Variants in TMPRSS5 observed in about 807,000 individuals in gnomAD.
TMPRSS5 encodes transmembrane protease serine 5.
Under a neutral mutation model 59.7 loss-of-function variants are expected in TMPRSS5, and 45 were observed. The ratio of observed to expected loss-of-function variants is 0.75; its 90% CI spans 0.59 to 0.97. TMPRSS5 has a LOEUF of 0.97. TMPRSS5 is among the 50% of genes least tolerant of loss of function. The pLI is 0.00. For missense variants in TMPRSS5, 585 were observed against 596.7 expected, an observed-to-expected ratio of 0.98 and a Z score of 0.20; for synonymous variants, 225 against 232.0, an observed-to-expected ratio of 0.97 and a Z score of 0.27.
At chr11:113,690,398 G>T (rs1389409760) in intron 10 of TMPRSS5, 25 bp from the exon 11 acceptor site, 23 of 1,595,890 alleles carry the variant, frequency 1.4e-5, no homozygotes, top group African/African-American at 4.1e-5. Context: ...GAGAAAAACT[G>T]CAGGGCACAA....
At chr11:113,699,396 C>T (rs769573036) in intron 3 of TMPRSS5, among the ~76,000 whole-genome samples, 199 bp downstream of exon 3, 19 of 152,058 alleles carry the variant, frequency 1.2e-4, no homozygotes, top group Non-Finnish European at 2.5e-4. Context: ...AAAAGTCTGA[C>T]TACGGCCTCC....
At chr11:113,704,560 C>T (rs144743126) in intron 1 of TMPRSS5, among the ~76,000 whole-genome samples, 157 of 152,260 alleles carry the variant, frequency 1.0e-3, no homozygotes, top group African/African-American at 3.6e-3. Flanking sequence ...TTGCTCCCTC[C>T]ACAGCAAAAT....
intron 4 of TMPRSS5, 81 bp from the exon 5 acceptor site, chr11:113,697,499 T>C (rs1591383117): frequency 6.5e-7 from 1 of 1,527,306 alleles, no homozygotes; most frequent in Non-Finnish European, 8.9e-7. Context: ...CAGGATTCTG[T>C]AGTACTTGAA....
rs780458804 is a variant in TMPRSS5, at chr11:113,690,364, G to A, written c.1073C>T (p.Ser358Leu). 4.9e-5 allele frequency: 78 copies of A among 1,605,358 alleles called. No individual in the cohort carries two copies. The highest frequency in any genetic ancestry group is 1.0e-4 in the Admixed American group (6 of 58,484). Residue 358 changes from serine (S) to leucine (L), a missense_variant, in exon 11 of 13, where the codon TCG becomes TTG. By Grantham distance (145) the Ser-to-Leu change is moderately radical. Coordinates refer to ENST00000299882, the MANE Select transcript of TMPRSS5 (RefSeq NM_030770.4). ...GHTHPSHTYS[S>L]DMLQDTVVPL... ...CACCACCGTGTCCTGGAGCATATCC[G>A]AGCTGTAAGCTATGAGAGACACCGA...
intron 8 of TMPRSS5, 156 bp downstream of exon 8, chr11:113,694,322 T>C: frequency 1.6e-6 from 1 of 628,904 alleles, no homozygotes; most frequent in Non-Finnish European, 2.8e-6. Flanking sequence ...GATCTGTTCT[T>C]GATACTGAAT....
At chr11:113,688,389 G>A in intron 12 of TMPRSS5, 115 bp from the exon 13 acceptor site, 1 of 726,948 alleles carries the variant, frequency 1.4e-6, no homozygotes, top group Non-Finnish European at 2.4e-6. Context: ...TCTATCAAAT[G>A]AGGCTAAAAA....
rs1032573934 is a variant in TMPRSS5 at position 113,690,276 on chromosome 11, G to C, written c.1161C>G (p.Arg387=). 1.9e-6 allele frequency: 3 copies of C among 1,566,772 alleles called. No homozygotes were observed. In the African/African-American group the frequency reaches 4.1e-5, roughly 21 times the overall value. The change falls in exon 11 of 13, where the codon CGC becomes CGG. Residue 387 remains arginine (R), a synonymous_variant. Transcript: ENST00000299882. The part of the protein sequence containing the change: ...SCVYSGALTP[R]MLCAGYLDGR... ...CGTCCAGGTAGCCAGCGCAAAGCAT[G>C]CGGGGGGTGAGGGCTCCGCTGTACA...
rs1399507565 is a variant in TMPRSS5, at chr11:113,694,591, C to A, written c.672G>T (p.Val224=). The A allele has an allele frequency of 6.4e-7, 1 of 1,555,132 alleles. No homozygotes were observed. The change falls in exon 8 of 13, where the codon GTG becomes GTT. Residue 224 remains valine, a synonymous_variant. Transcript: ENST00000299882. ...CCTGCCACGGCCAGCGCCCAGGAGC[C>A]ACAGACTGCCCACCAACTATCCGGG... is the stretch of plus-strand genomic sequence containing the variant. ...LASRIVGGQS[V]APGRWPWQAS...
At chr11:113,688,301 T>G in intron 12 of TMPRSS5, 27 bp from the exon 13 acceptor site, 1 of 1,508,306 alleles carries the variant, frequency 6.6e-7, no homozygotes, top group South Asian at 1.2e-5. Context: ...AGGAACTGAT[T>G]CACAGCATGG....
intron 12 of TMPRSS5, among the ~76,000 whole-genome samples, chr11:113,688,685 C>G (rs2134777038): frequency 6.6e-6 from 1 of 152,282 alleles, no homozygotes; most frequent in Non-Finnish European, 1.5e-5. Flanking sequence ...ATTCTCCTGC[C>G]TCAACCTCCC....
At chr11:113,706,087 G>C in intron 1 of TMPRSS5, 135 bp downstream of exon 1, 1 of 1,040,150 alleles carries the variant, frequency 9.6e-7, no homozygotes, top group South Asian at 1.5e-5. Flanking sequence ...CAGGGCCCCT[G>C]CTAGGATCCA....
chr11:113,698,860 T>C lies in TMPRSS5; in HGVS notation c.328+45A>G, dbSNP rs901131070. On this transcript the variant is annotated intron_variant, in intron 4 of 12. Coordinates refer to ENST00000299882, the MANE Select transcript of TMPRSS5 (RefSeq NM_030770.4). ...TTCTCTTGCCCTCAGCTGTGACAGG[T>C]CCCTGCTGGGGAGGGAGGCCCGTAG... 8.3e-6 allele frequency: 13 copies of C among 1,560,882 alleles called. No homozygotes were observed. In the African/African-American group the frequency reaches 1.5e-4, roughly 18 times the overall value.
intron 7 of TMPRSS5, among the ~76,000 whole-genome samples, chr11:113,695,082 T>C (rs1952891519): frequency 6.6e-6 from 1 of 152,116 alleles, no homozygotes; most frequent in South Asian, 2.1e-4. Flanking sequence ...CAATAGCCAA[T>C]AATAATTTCA....
At chr11:113,690,757 C>T in intron 10 of TMPRSS5, 84 bp downstream of exon 10, 1 of 1,273,392 alleles carries the variant, frequency 7.9e-7, no homozygotes, top group African/African-American at 1.5e-5. Flanking sequence ...TGTCATGTGG[C>T]CAGGGGATGT....
Position 113,699,608 on chromosome 11 carries a change from G to GC in TMPRSS5, c.191dup (p.Ser65LeufsTer23), listed in dbSNP as rs1953065043. The GC allele has an allele frequency of 6.3e-7, 1 of 1,577,358 alleles. No individual in the cohort carries two copies. Among genetic ancestry groups the GC allele is most frequent in the Non-Finnish European group, 8.6e-7 (1 of 1,162,152 alleles). On this transcript the variant is annotated frameshift_variant, in exon 3 of 13. Coordinates refer to ENST00000299882, the MANE Select transcript of TMPRSS5 (RefSeq NM_030770.4). LOFTEE classifies it high-confidence loss of function. ...CCCAGCACTGACCTAGGAGCCATGA[G>GC]CCAACACCTGCACCGGCCAGCAGCC...
At position 113,690,471 on chromosome 11, in the gene TMPRSS5, G is replaced by T. The variant is rs1489115255; in HGVS notation, c.1064-98C>A. Reference sequence around the variant, plus strand: ...TAATTCGAAGTCCCAGAGACAGGGAGACCCAAAGAGGCGAGCCCAGGGTGG... The same window carrying T: ...TAATTCGAAGTCCCAGAGACAGGGATACCCAAAGAGGCGAGCCCAGGGTGG... On this transcript the variant is annotated intron_variant, in intron 10 of 12. Transcript: ENST00000299882. The T allele has an allele frequency of 1.3e-5, 20 of 1,489,280 alleles. No individual in the cohort carries two copies. The Admixed American group carries it at 2.2e-4, about 16-fold the overall frequency. The allele number at this position is 1,489,280 out of a possible 1,614,324, so 92.3% of individuals were successfully genotyped here.
chr11:113,690,550 A>G (rs868500664), intron 10 of TMPRSS5, among the ~76,000 whole-genome samples, 177 bp from the exon 11 acceptor site: 2 of 152,062 alleles, frequency 1.3e-5, no homozygotes, highest in Middle Eastern at 6.8e-3. Context: ...GGGGGCTGGG[A>G]GTGGGAAGAG....
At chr11:113,703,271 C>T (rs973788197) in intron 1 of TMPRSS5, among the ~76,000 whole-genome samples, 6 of 152,214 alleles carry the variant, frequency 3.9e-5, no homozygotes, top group East Asian at 1.9e-4. Context: ...TAAGGTTTAA[C>T]GACTGCCCTA....
chr11:113,690,986 C>T (rs1952764884), intron 9 of TMPRSS5, 47 bp from the exon 10 acceptor site: 2 of 1,523,968 alleles, frequency 1.3e-6, no homozygotes, highest in African/African-American at 1.4e-5. Context: ...CTTGGCTTCC[C>T]CCACTGCAGA....
Sources: gnomAD v4.1 joint callset for allele counts (sites outside exome capture counted in the v4.1 genomes callset) on GRCh38, gnomAD v4.1.1 for gene constraint, MANE v1.5 for transcripts, NCBI Gene and HGNC (gene_info 2026-07-23, HGNC 2026-07-21) for gene names.